SLX9: variants seen among roughly 807,000 people sequenced by gnomAD.
The protein encoded by SLX9 is ribosome biogenesis protein SLX9 homolog.
A neutral mutation model predicts 20.8 loss-of-function variants in SLX9; 19 were observed. The ratio of observed to expected loss-of-function variants is 0.91; its 90% CI spans 0.64 to 1.34. The LOEUF is 1.34. SLX9 is among the 40% of genes most tolerant of loss of function. The pLI, the probability that SLX9 is intolerant of heterozygous loss-of-function variation, is 0.00. For synonymous variants in SLX9, 113 were observed against 137.1 expected (o/e 0.82, Z 1.23); for missense variants, 299 against 322.2 (o/e 0.93, Z 0.55).
chr21:44,953,106 CGCCTGGCAAGGCCCAGGCCGA>C (rs1472772076), intron 2 of SLX9, among the ~76,000 whole-genome samples: 1 of 152,162 alleles, frequency 6.6e-6, no homozygotes. Flanking sequence ...TTCCAGACCC[CGCCTGGCAAGGCCCAGGCCGA>C]GCCTGTGCAG....
chr21:44,975,585 C>CT (rs1454592422), intron 5 of SLX9, among the ~76,000 whole-genome samples: 1 of 152,270 alleles, frequency 6.6e-6, no homozygotes. Context: ...GACCACAGTG[C>CT]TAAGAACCTG....
At chr21:44,949,917 T>C (rs1302333661) in intron 2 of SLX9, among the ~76,000 whole-genome samples, 1 of 152,174 alleles carries the variant, frequency 6.6e-6, no homozygotes, top group African/African-American at 2.4e-5. Flanking sequence ...GCCGTCCCTC[T>C]GCCCTGGTGA....
Position 44,943,821 on chromosome 21 carries a change from C to T in SLX9, c.267C>T (p.Val89=). 6.2e-7 allele frequency: 1 copy of T among 1,613,080 alleles called. No individual in the cohort carries two copies. The highest frequency in any genetic ancestry group is 2.2e-5 in the East Asian group (1 of 44,802). The change falls in exon 2 of 6, where the codon GTC becomes GTT. Residue 89 remains valine (V), a synonymous_variant. Transcript: ENST00000291634. ...RGEAGSSARS[V]PSIRRGAEAK... The stretch of plus-strand genomic sequence containing the variant: ...AGGCAGGCTCGAGTGCACGGAGCGT[C>T]CCTTCCATCAGGAGAGGTGAGGCAG...
At chr21:44,959,984 A>G in intron 2 of SLX9, 116 bp from the exon 3 acceptor site, 1 of 885,954 alleles carries the variant, frequency 1.1e-6, no homozygotes, top group Non-Finnish European at 1.9e-6. Flanking sequence ...GGCACAGGCC[A>G]GACCAGTTGC....
chr21:44,958,131 C>T (rs1043689842), intron 2 of SLX9: 1 of 152,268 alleles, frequency 6.6e-6, no homozygotes, highest in East Asian at 1.9e-4. Context: ...AGCTCGGGCT[C>T]GGCGGATGAC....
At chr21:44,940,669 A>G (rs1300336779) in intron 1 of SLX9, among the ~76,000 whole-genome samples, 6 of 83,934 alleles carry the variant, frequency 7.1e-5, no homozygotes, top group African/African-American at 2.3e-4. Flanking sequence ...TATTGCTTTC[A>G]GGATTTTTTT....
At chr21:44,972,423 T>C (rs1899193325) in intron 4 of SLX9, among the ~76,000 whole-genome samples, 1 of 152,166 alleles carries the variant, frequency 6.6e-6, no homozygotes, top group Non-Finnish European at 1.5e-5. Context: ...GAGAGTGTCC[T>C]GGCCCGCCCG....
intron 2 of SLX9, among the ~76,000 whole-genome samples, chr21:44,955,976 T>C (rs1465434308): frequency 6.6e-6 from 1 of 152,206 alleles, no homozygotes; most frequent in East Asian, 1.9e-4. Context: ...CCTGTACCTT[T>C]GGAGGATATG....
At chr21:44,970,546 C>T (rs542553604) in intron 4 of SLX9, among the ~76,000 whole-genome samples, 5 of 152,328 alleles carry the variant, frequency 3.3e-5, no homozygotes, top group South Asian at 2.1e-4. Flanking sequence ...ATCTGGGGCT[C>T]GGTGCGCCTG....
chr21:44,942,045 C>G (rs531387530), intron 1 of SLX9, among the ~76,000 whole-genome samples: 1 of 152,200 alleles, frequency 6.6e-6, no homozygotes, highest in Non-Finnish European at 1.5e-5. Flanking sequence ...AGGAGAGGGG[C>G]GTGCCTTTAG....
At chr21:44,953,703 G>T (rs1051268237) in intron 2 of SLX9, among the ~76,000 whole-genome samples, 4 of 152,196 alleles carry the variant, frequency 2.6e-5, no homozygotes, top group African/African-American at 9.7e-5. Flanking sequence ...GGCCAGGAGT[G>T]CCCTCTGGCC....
At chr21:44,975,482 C>A (rs912643774) in intron 5 of SLX9, among the ~76,000 whole-genome samples, 3 of 152,244 alleles carry the variant, frequency 2.0e-5, no homozygotes, top group Non-Finnish European at 4.4e-5. Flanking sequence ...GCACAGGCTC[C>A]CCCTGCAGCC....
At chr21:44,951,659 C>T (rs1352557074) in intron 2 of SLX9, among the ~76,000 whole-genome samples, 1 of 152,164 alleles carries the variant, frequency 6.6e-6, no homozygotes, top group East Asian at 1.9e-4. Context: ...AAGCCAGGCC[C>T]TGCCCCCGGA....
intron 2 of SLX9, among the ~76,000 whole-genome samples, chr21:44,955,530 T>G (rs979774145): frequency 6.6e-6 from 1 of 152,208 alleles, no homozygotes; most frequent in Admixed American, 6.5e-5. Flanking sequence ...TTCTTTTTTT[T>G]TGTGAGTCAG....
chr21:44,950,971 A>G (rs2084746610), intron 2 of SLX9, among the ~76,000 whole-genome samples: 1 of 152,126 alleles, frequency 6.6e-6, no homozygotes, highest in South Asian at 2.1e-4. Flanking sequence ...CGGTGACTCC[A>G]CCTGGTCCCT....
At chr21:44,974,925 G>A (rs1299766288) in intron 5 of SLX9, among the ~76,000 whole-genome samples, 1 of 152,232 alleles carries the variant, frequency 6.6e-6, no homozygotes, top group Non-Finnish European at 1.5e-5. Context: ...TCCTCTTGCA[G>A]ACTGTCTGTC....
At chr21:44,969,128 A>G (rs1469710883) in intron 4 of SLX9, 2 of 469,274 alleles carry the variant, frequency 4.3e-6, no homozygotes. Flanking sequence ...GGCTGTGTGC[A>G]GTGTCAAACC....
intron 3 of SLX9, 78 bp from the exon 4 acceptor site, chr21:44,966,956 T>C (rs1272412431): frequency 6.5e-7 from 1 of 1,540,354 alleles, no homozygotes; most frequent in African/African-American, 1.4e-5. Context: ...CTGCCAGGTC[T>C]CTCGTGGGCC....
At chr21:44,972,283 G>C (rs905963121) in intron 4 of SLX9, among the ~76,000 whole-genome samples, 40 of 152,152 alleles carry the variant, frequency 2.6e-4, no homozygotes, top group African/African-American at 9.7e-4. Context: ...TGAACATTCG[G>C]CCAGGTGGGC....
Sources: gnomAD v4.1 joint callset for allele counts (sites outside exome capture counted in the v4.1 genomes callset) on GRCh38, gnomAD v4.1.1 for gene constraint, MANE v1.5 for transcripts, NCBI Gene and HGNC (gene_info 2026-07-23, HGNC 2026-07-21) for gene names.